The following TRIM23 variants were observed in gnomAD, a reference collection of about 807,000 sequenced individuals.
The protein encoded by TRIM23 is tripartite motif containing 23, also known as E3 ubiquitin-protein ligase TRIM23.
A neutral mutation model predicts 71.0 loss-of-function variants in TRIM23; 27 were observed. The observed-to-expected ratio is 0.38, with a 90% CI of 0.28 to 0.52. TRIM23 has a LOEUF of 0.52. Ranked by LOEUF, TRIM23 falls within the 20% of genes least tolerant of loss-of-function variation. The probability of loss-of-function intolerance (pLI) is 0.84; values close to 1 mark genes in which losing one functional copy is unlikely to be tolerated. For synonymous variants in TRIM23, 234 were observed against 238.0 expected (o/e 0.98, Z 0.16); for missense variants, 482 against 692.3 (o/e 0.70, Z 3.41).
chr5:65,590,412 C>A lies in TRIM23; in HGVS notation c.*1357G>T. ...TTCTAAAACTTGTATTGTTTTTAAA[C>A]AAAAATAGATTTGAAAAGAATGAAC... On this transcript the variant is annotated 3_prime_UTR_variant, in exon 11 of 11. Transcript: ENST00000231524. 2.1e-6 allele frequency: 3 copies of A among 1,399,028 alleles called. No homozygotes were observed. Among genetic ancestry groups the A allele is most frequent in the East Asian group, 2.7e-5 (1 of 37,010 alleles). 86.7% of individuals were successfully genotyped at this position (1,399,028 alleles called of 1,614,324 possible). A position where few individuals can be genotyped will look rare whatever the true frequency, so the allele number is the denominator to read the frequency against.
intron 10 of TRIM23, among the ~76,000 whole-genome samples, chr5:65,593,814 G>A (rs1369968038): frequency 6.6e-6 from 1 of 152,076 alleles, no homozygotes; most frequent in African/African-American, 2.4e-5. Context: ...TCAGGCTCTT[G>A]TTAATGCTCA....
Position 65,590,364 on chromosome 5 carries a change from G to A in TRIM23, c.*1405C>T. The A allele has an allele frequency of 6.9e-7, 1 of 1,440,446 alleles. No individual in the cohort carries two copies. Among genetic ancestry groups the A allele is most frequent in the Non-Finnish European group, 9.2e-7 (1 of 1,082,598 alleles). 89.2% of individuals were successfully genotyped at this position (1,440,446 alleles called of 1,614,324 possible). The stretch of plus-strand genomic sequence containing the variant: ...TTACATATTGCCCATAATACTGATA[G>A]GCTTTTTTTTTAATGCTTTGTTTTC... On this transcript the variant is annotated 3_prime_UTR_variant, in exon 11 of 11. Coordinates refer to ENST00000231524, the MANE Select transcript of TRIM23 (RefSeq NM_001656.4).
chr5:65,621,127 C>T (rs1337519403), intron 1 of TRIM23, among the ~76,000 whole-genome samples: 1 of 152,106 alleles, frequency 6.6e-6, no homozygotes, highest in African/African-American at 2.4e-5. Context: ...CCAAGGCGGG[C>T]AGATCACGAG....
intron 1 of TRIM23, among the ~76,000 whole-genome samples, chr5:65,620,388 A>T (rs1051949785): frequency 6.6e-6 from 1 of 152,212 alleles, no homozygotes; most frequent in Admixed American, 6.5e-5. Flanking sequence ...TTAGCAAAAA[A>T]TTGGAAAGAA....
intron 2 of TRIM23, among the ~76,000 whole-genome samples, chr5:65,615,519 C>T (rs1158442321): frequency 4.5e-5 from 5 of 111,976 alleles, no homozygotes; most frequent in Non-Finnish European, 7.7e-5. Flanking sequence ...CCCCTTCCTC[C>T]TGGCTCTTAA....
Position 65,611,879 on chromosome 5 carries a change from GCT to G in TRIM23, c.367_368del (p.Ser123HisfsTer5). The G allele has an allele frequency of 6.2e-7, 1 of 1,606,936 alleles. No homozygotes were observed. Among genetic ancestry groups the G allele is most frequent in the Non-Finnish European group, 8.5e-7 (1 of 1,174,318 alleles). ...CTTCATCTTCATCACAACGAATGAT[GCT>G]CTGATAAACAAAAAATTAATGCCTT... ...AEESIGISGE[S>X]IIRCDEDEAH... On this transcript the variant is annotated frameshift_variant and splice_region_variant, in exon 4 of 11. Coordinates refer to ENST00000231524, the MANE Select transcript of TRIM23 (RefSeq NM_001656.4). LOFTEE classifies it high-confidence loss of function.
At chr5:65,593,189 C>CT (rs1175437805) in intron 10 of TRIM23, among the ~76,000 whole-genome samples, 3 of 152,152 alleles carry the variant, frequency 2.0e-5, no homozygotes, top group Admixed American at 2.0e-4. Flanking sequence ...AATCCCAGCA[C>CT]TTTGGGAGGA....
At chr5:65,596,312 T>C in intron 9 of TRIM23, 109 bp downstream of exon 9, 1 of 741,270 alleles carries the variant, frequency 1.3e-6, no homozygotes, top group South Asian at 1.6e-5. Context: ...GGTACTTAAG[T>C]ATACAGTCAA....
rs779852086 is a variant in TRIM23 at position 65,604,960 on chromosome 5, A to G, written c.1130T>C (p.Val377Ala). The G allele has an allele frequency of 3.0e-5, 49 of 1,613,906 alleles. No homozygotes were observed. The highest frequency in any genetic ancestry group is 3.7e-5 in the Non-Finnish European group (44 of 1,179,972). Residue 377 changes from valine (V) to alanine (A), a missense_variant, in exon 7 of 11, where the codon GTT becomes GCT. Coordinates refer to ENST00000231524, the MANE Select transcript of TRIM23 (RefSeq NM_001656.4). Reference protein sequence around the residue: ...LQKQQQQFTEVADHIQLDASI... With the variant: ...LQKQQQQFTEAADHIQLDASI... ...GGCATCCAACTGAATGTGATCTGCA[A>G]CTTCTGTAAACTGCTGCTGCTGTTT...
At chr5:65,623,435 C>T (rs1389042195) in intron 1 of TRIM23, among the ~76,000 whole-genome samples, 1 of 152,136 alleles carries the variant, frequency 6.6e-6, no homozygotes, top group East Asian at 1.9e-4. Flanking sequence ...ATCAGTTCTC[C>T]CCTCCATATC....
chr5:65,597,236 T>G, intron 7 of TRIM23, 56 bp from the exon 8 acceptor site: 1 of 1,542,450 alleles, frequency 6.5e-7, no homozygotes, highest in South Asian at 1.1e-5. Context: ...GTAATAGCAT[T>G]TAGCACCTTT....
intron 7 of TRIM23, among the ~76,000 whole-genome samples, chr5:65,600,042 A>C (rs572720500): frequency 2.0e-4 from 31 of 151,610 alleles, no homozygotes; most frequent in Non-Finnish European, 4.1e-4. Context: ...GGCATTTCAC[A>C]TGGCAGGAGC....
chr5:65,616,339 A>ACATTAATTTTGAAG (rs1561751362), intron 2 of TRIM23, among the ~76,000 whole-genome samples: 2 of 152,204 alleles, frequency 1.3e-5, no homozygotes, highest in African/African-American at 4.8e-5. Context: ...TAGAGAAGGT[A>ACATTAATTTTGAAG]AAGTGCTCTT....
chr5:65,601,046 G>C (rs1314770003), intron 7 of TRIM23, among the ~76,000 whole-genome samples: 1 of 152,238 alleles, frequency 6.6e-6, no homozygotes, highest in Admixed American at 6.5e-5. Flanking sequence ...TGGTGGAACT[G>C]TAATATGGTG....
At chr5:65,617,107 A>G (rs1754796990) in intron 2 of TRIM23, among the ~76,000 whole-genome samples, 1 of 152,202 alleles carries the variant, frequency 6.6e-6, no homozygotes, top group South Asian at 2.1e-4. Flanking sequence ...GACTTTCCCA[A>G]TCCCTATTAT....
At chr5:65,611,961 T>A (rs1017667714) in intron 3 of TRIM23, 80 bp from the exon 4 acceptor site, 40 of 1,362,906 alleles carry the variant, frequency 2.9e-5, no homozygotes, top group Non-Finnish European at 4.0e-5. Flanking sequence ...GAATCCATAA[T>A]CCTTTTTGCT....
chr5:65,597,693 A>G (rs1406745222), intron 7 of TRIM23, among the ~76,000 whole-genome samples: 1 of 152,224 alleles, frequency 6.6e-6, no homozygotes, highest in Admixed American at 6.5e-5. Flanking sequence ...AATCCTGTCA[A>G]TACATATTGA....
chr5:65,614,758 A>G (rs1450249227), intron 2 of TRIM23, among the ~76,000 whole-genome samples: 1 of 151,996 alleles, frequency 6.6e-6, no homozygotes, highest in Non-Finnish European at 1.5e-5. Context: ...AAAAATCTAA[A>G]TACACATAAA....
chr5:65,611,433 C>T (rs1754647287), intron 4 of TRIM23, among the ~76,000 whole-genome samples, 170 bp downstream of exon 4: 2 of 150,038 alleles, frequency 1.3e-5, no homozygotes, highest in African/African-American at 4.9e-5. Context: ...TTTTTTATAA[C>T]ATTCAGAAAT....
Sources: allele counts gnomAD v4.1 joint callset (sites outside exome capture counted in the v4.1 genomes callset), GRCh38; gene constraint gnomAD v4.1.1; transcripts MANE v1.5; gene names NCBI Gene and HGNC (gene_info 2026-07-23, HGNC 2026-07-21).